Variants in TSC22D1 observed in about 807,000 individuals in gnomAD.
TSC22D1 encodes TSC22 domain family member 1.
In TSC22D1, 9 loss-of-function variants were observed where a neutral mutation model predicts 74.2. The observed-to-expected ratio is 0.12, with a 90% CI of 0.07 to 0.21. The LOEUF (loss-of-function observed/expected upper bound fraction) is 0.21. Ranked by LOEUF, TSC22D1 falls within the 10% of genes least tolerant of loss-of-function variation. The pLI is 1.00. For synonymous variants in TSC22D1, 586 were observed against 492.5 expected (o/e 1.19, Z -2.51); for missense variants, 1,427 against 1,304.7 (o/e 1.09, Z -1.44).
In TSC22D1 at chr13:44,472,471, C is replaced by CCACT. The variant is rs1877660801; in HGVS notation, c.2913-36380_2913-36377dup. On this transcript the variant is annotated intron_variant, in intron 1 of 2. Coordinates refer to ENST00000458659, the MANE Select transcript of TSC22D1 (RefSeq NM_183422.4). ...ATCTGATTTCTGTCTCCCCTCTCAC[C>CCACT]CACTCACTCACTCAACAAACATATG... Among the ~76,000 whole-genome samples the CCACT allele has an allele frequency of 2.0e-5, 3 of 152,224 alleles. No homozygotes were observed. The South Asian group carries it at 6.2e-4, about 32-fold the overall frequency.
rs548834092 is a variant in TSC22D1 at position 44,435,461 on chromosome 13, G to T, written c.2965-578C>A. On this transcript the variant is annotated intron_variant, in intron 2 of 2. Transcript: ENST00000458659. ...CTAGCAACAGTGGGCAGAGAATCCC[G>T]TGAGAAGAGCCACAGGCGCTGCTCC... 4.3e-4 allele frequency among the ~76,000 whole-genome samples: 65 copies of T among 152,330 alleles called. 1 individual carries two copies. In the South Asian group the frequency reaches 8.5e-3, roughly 20 times the overall value.
intron 1 of TSC22D1, chr13:44,539,885 T>C (rs1388012338): frequency 7.8e-7 from 1 of 1,289,650 alleles, no homozygotes; most frequent in South Asian, 1.2e-5. Context: ...TATCTGTGGT[T>C]CTAGGATCAC....
At chr13:44,522,451 A>G (rs974352910) in intron 1 of TSC22D1, among the ~76,000 whole-genome samples, 1 of 152,236 alleles carries the variant, frequency 6.6e-6, no homozygotes, top group Non-Finnish European at 1.5e-5. Context: ...AGGCAAGACC[A>G]GTAAGGACTA....
intron 1 of TSC22D1, among the ~76,000 whole-genome samples, chr13:44,491,508 C>T (rs1280400440): frequency 6.3e-5 from 9 of 142,478 alleles, no homozygotes; most frequent in East Asian, 2.2e-4. Context: ...GAGCCGAGAT[C>T]GCGCCACTGC....
chr13:44,447,527 T>C (rs1875779203), intron 1 of TSC22D1, among the ~76,000 whole-genome samples: 1 of 152,184 alleles, frequency 6.6e-6, no homozygotes, highest in Non-Finnish European at 1.5e-5. Context: ...CTAAATCTCA[T>C]ATTAGCGTTA....
chr13:44,492,517 ACT>A (rs139937363), intron 1 of TSC22D1, among the ~76,000 whole-genome samples: 1,574 of 152,198 alleles, frequency 0.01, 12 homozygotes, highest in Non-Finnish European at 0.017. Flanking sequence ...AACAGACAAG[ACT>A]CTGTACAGGA....
At chr13:44,455,847 G>A (rs1225837516) in intron 1 of TSC22D1, among the ~76,000 whole-genome samples, 1 of 152,108 alleles carries the variant, frequency 6.6e-6, no homozygotes, top group South Asian at 2.1e-4. Context: ...AAATGCATAA[G>A]GATAGAGTAA....
chr13:44,487,058 C>T (rs539548989), intron 1 of TSC22D1, among the ~76,000 whole-genome samples: 1 of 152,168 alleles, frequency 6.6e-6, no homozygotes, highest in Non-Finnish European at 1.5e-5. Context: ...TTTCTACCAT[C>T]TACCAAACTG....
At chr13:44,479,634 G>C (rs1878087735) in intron 1 of TSC22D1, among the ~76,000 whole-genome samples, 1 of 152,138 alleles carries the variant, frequency 6.6e-6, no homozygotes, top group East Asian at 1.9e-4. Context: ...ACATACACCA[G>C]CATTCTCAAG....
chr13:44,500,022 G>T (rs1879152482), intron 1 of TSC22D1, among the ~76,000 whole-genome samples: 1 of 151,586 alleles, frequency 6.6e-6, no homozygotes, highest in South Asian at 2.1e-4. Flanking sequence ...AGGAGGCGGA[G>T]GTTGCAGTGA....
At chr13:44,500,088 CAAAAAAGAAAAAAAAAA>C (rs1879157645) in intron 1 of TSC22D1, among the ~76,000 whole-genome samples, 1 of 99,346 alleles carries the variant, frequency 1.0e-5, no homozygotes, top group South Asian at 3.4e-4. Context: ...AAGCCCGTCT[CAAAAAAGAAAAAAAAAA>C]AAAAAAGAAA....
At chr13:44,506,576 T>C (rs1879458842) in intron 1 of TSC22D1, among the ~76,000 whole-genome samples, 1 of 152,154 alleles carries the variant, frequency 6.6e-6, no homozygotes, top group South Asian at 2.1e-4. Flanking sequence ...CCATGGCACA[T>C]GTTTACCTAT....
intron 1 of TSC22D1, among the ~76,000 whole-genome samples, chr13:44,534,686 A>AG (rs758850935): frequency 2.0e-4 from 31 of 152,188 alleles, no homozygotes; most frequent in Non-Finnish European, 4.3e-4. Flanking sequence ...CTTGATCCTC[A>AG]GTACAAGACT....
At chr13:44,450,408 T>TTAAC (rs1402827036) in intron 1 of TSC22D1, among the ~76,000 whole-genome samples, 2 of 151,916 alleles carry the variant, frequency 1.3e-5, no homozygotes, top group African/African-American at 4.8e-5. Context: ...CATAATAGGG[T>TTAAC]TTAAAGGGGG....
rs557163675 is a variant in TSC22D1, at chr13:44,432,489, T to G, written c.*2137A>C. 6 of 152,250 alleles carry G rather than the reference T, an allele frequency of 3.9e-5. No individual in the cohort carries two copies. Among genetic ancestry groups the G allele is most frequent in the Non-Finnish European group, 2.9e-5 (2 of 68,040 alleles). The allele number at this position is 152,250 out of a possible 1,614,324, so 9.4% of individuals were successfully genotyped here. A position where few individuals can be genotyped will look rare whatever the true frequency, so the allele number is the denominator to read the frequency against. ...ATATGAAAGATTTTTCTTTACGTCC[T>G]TTTCAAATTCCCCCAAAATATCTTT... On this transcript the variant is annotated 3_prime_UTR_variant, in exon 3 of 3. Coordinates refer to ENST00000458659, the MANE Select transcript of TSC22D1 (RefSeq NM_183422.4).
At position 44,576,076 on chromosome 13, in the gene TSC22D1, G is replaced by C. The variant is rs1413034113; in HGVS notation, c.-2C>G. 1.3e-6 allele frequency: 2 copies of C among 1,547,514 alleles called. No individual in the cohort carries two copies. The highest frequency in any genetic ancestry group is 1.2e-5 in the South Asian group (1 of 84,388). ...GGTGGACTCAGGCGGCTGGTGCATT[G>C]TGTTGGGTACCGGGGGCGCGGAGGA... is the stretch of plus-strand genomic sequence containing the variant. On this transcript the variant is annotated 5_prime_UTR_variant, in exon 1 of 3. Coordinates refer to ENST00000458659, the MANE Select transcript of TSC22D1 (RefSeq NM_183422.4).
At position 44,433,110 on chromosome 13, in the gene TSC22D1, TC is replaced by T. The variant is rs1225163433; in HGVS notation, c.*1515del. On this transcript the variant is annotated 3_prime_UTR_variant, in exon 3 of 3. Coordinates refer to ENST00000458659, the MANE Select transcript of TSC22D1 (RefSeq NM_183422.4). ...AAAGTGGAAATCAGCTTCTCCAACT[TC>T]CGTCTTTTGATCCTAGATCTGCTTA... 1 of 152,200 alleles carries T rather than the reference TC, an allele frequency of 6.6e-6. No homozygotes were observed. Among genetic ancestry groups the T allele is most frequent in the Non-Finnish European group, 1.5e-5 (1 of 68,050 alleles). 9.4% of individuals were successfully genotyped at this position (152,200 alleles called of 1,614,324 possible). A position where few individuals can be genotyped will look rare whatever the true frequency, so the allele number is the denominator to read the frequency against.
chr13:44,466,731 C>T (rs530893415), intron 1 of TSC22D1, among the ~76,000 whole-genome samples: 1 of 152,004 alleles, frequency 6.6e-6, no homozygotes, highest in Admixed American at 6.5e-5. Context: ...GATCATACCA[C>T]TGCACTCCAG....
intron 1 of TSC22D1, among the ~76,000 whole-genome samples, chr13:44,525,817 AT>A (rs1465698562): frequency 3.4e-4 from 50 of 147,882 alleles, no homozygotes; most frequent in Middle Eastern, 6.8e-3. Context: ...AAAAAAAAAA[AT>A]AGCCAGGCTC....
Sources: gnomAD v4.1 joint callset for allele counts (sites outside exome capture counted in the v4.1 genomes callset) on GRCh38, gnomAD v4.1.1 for gene constraint, MANE v1.5 for transcripts, NCBI Gene and HGNC (gene_info 2026-07-23, HGNC 2026-07-21) for gene names.